Variants in CHST9 observed in about 807,000 individuals in gnomAD.
The protein encoded by CHST9 is GalNAc-4-sulfotransferase 2.
In CHST9, 41 loss-of-function variants were observed where a neutral mutation model predicts 44.4. That is an observed-to-expected ratio of 0.92 (90% confidence interval 0.72 to 1.20). The LOEUF is 1.20. Among genes scored for constraint, CHST9 ranks in the 50% most tolerant of loss-of-function variants. The pLI, the probability that CHST9 is intolerant of heterozygous loss-of-function variation, is 0.00. For missense variants in CHST9, 504 were observed against 516.5 expected (o/e 0.98, Z 0.23); for synonymous variants, 171 against 178.4 (o/e 0.96, Z 0.33).
At chr18:27,162,607 G>C (rs1332897406) in intron 1 of CHST9, among the ~76,000 whole-genome samples, 1 of 152,158 alleles carries the variant, frequency 6.6e-6, no homozygotes, top group East Asian at 1.9e-4. Context: ...TCTTCTCGAG[G>C]AGTATCTTTG....
At chr18:26,939,401 C>T (rs1410891483) in intron 5 of CHST9, among the ~76,000 whole-genome samples, 3 of 152,130 alleles carry the variant, frequency 2.0e-5, no homozygotes, top group Non-Finnish European at 2.9e-5. Flanking sequence ...GAATCCTCTC[C>T]AAAGGAGTAC....
At chr18:26,954,237 A>G (rs146238759) in intron 4 of CHST9, among the ~76,000 whole-genome samples, 2 of 152,328 alleles carry the variant, frequency 1.3e-5, no homozygotes, top group African/African-American at 4.8e-5. Flanking sequence ...GAAAAGGCAC[A>G]GGACGAGGAA....
At chr18:27,034,795 TC>T (rs1403776158) in intron 3 of CHST9, among the ~76,000 whole-genome samples, 2 of 152,208 alleles carry the variant, frequency 1.3e-5, no homozygotes, top group Non-Finnish European at 2.9e-5. Flanking sequence ...TGTCTACAAC[TC>T]CTCAGAATTT....
intron 4 of CHST9, among the ~76,000 whole-genome samples, chr18:26,950,506 TGTGGTATATATACACC>T (rs1164698732): frequency 6.6e-6 from 1 of 152,048 alleles, no homozygotes; most frequent in African/African-American, 2.4e-5. Context: ...ATAAAGAAAA[TGTGGTATATATACACC>T]GTGGAATACT....
chr18:27,068,727 T>C (rs998527451), intron 2 of CHST9, among the ~76,000 whole-genome samples: 11 of 152,336 alleles, frequency 7.2e-5, no homozygotes, highest in African/African-American at 2.6e-4. Flanking sequence ...CATTTTATTC[T>C]TGTGGCCTTT....
At chr18:27,028,262 A>T (rs2057303941) in intron 3 of CHST9, among the ~76,000 whole-genome samples, 1 of 152,156 alleles carries the variant, frequency 6.6e-6, no homozygotes, top group Non-Finnish European at 1.5e-5. Flanking sequence ...GTCTTTACAA[A>T]ACATTTTAAT....
At chr18:27,165,566 T>C (rs190470825) in intron 1 of CHST9, among the ~76,000 whole-genome samples, 2 of 152,218 alleles carry the variant, frequency 1.3e-5, no homozygotes, top group African/African-American at 2.4e-5. Context: ...GAGACAAAAG[T>C]AAGCACCAAA....
intron 2 of CHST9, among the ~76,000 whole-genome samples, chr18:27,081,032 G>A (rs2057955650): frequency 6.6e-6 from 1 of 152,136 alleles, no homozygotes; most frequent in Non-Finnish European, 1.5e-5. Context: ...AAAGGAAGAG[G>A]TAGACAAAAA....
At chr18:27,011,659 C>A (rs969530478) in intron 4 of CHST9, among the ~76,000 whole-genome samples, 9 of 152,198 alleles carry the variant, frequency 5.9e-5, no homozygotes, top group Admixed American at 5.9e-4. Context: ...TTCAGGGAGC[C>A]TTTGAACTTG....
intron 2 of CHST9, among the ~76,000 whole-genome samples, chr18:27,128,890 G>A (rs181309814): frequency 4.6e-5 from 7 of 152,260 alleles, no homozygotes; most frequent in East Asian, 1.9e-4. Context: ...TGGATAAACC[G>A]TTGGCTGCTC....
chr18:27,168,606 A>T (rs948478926), intron 1 of CHST9, among the ~76,000 whole-genome samples: 1 of 152,144 alleles, frequency 6.6e-6, no homozygotes, highest in African/African-American at 2.4e-5. Flanking sequence ...TTCAGTTTTG[A>T]TCTTGTTGAG....
chr18:26,972,357 CA>C (rs887066938), intron 4 of CHST9, among the ~76,000 whole-genome samples: 1,178 of 65,182 alleles, frequency 0.018, 5 homozygotes, highest in African/African-American at 0.052. Flanking sequence ...ACTCCAACTC[CA>C]AAAAAAAAAA....
At chr18:26,996,777 T>C (rs555486164) in intron 4 of CHST9, among the ~76,000 whole-genome samples, 15 of 152,234 alleles carry the variant, frequency 9.9e-5, no homozygotes, top group African/African-American at 3.4e-4. Context: ...TGTGTGCATG[T>C]ATGTGTGTAA....
chr18:26,949,648 G>T (rs1178364018), intron 4 of CHST9, among the ~76,000 whole-genome samples: 1 of 152,150 alleles, frequency 6.6e-6, no homozygotes, highest in East Asian at 1.9e-4. Flanking sequence ...TGACAATTAC[G>T]GCAGATTGAA....
chr18:27,105,846 A>G (rs1261162524), intron 2 of CHST9, among the ~76,000 whole-genome samples: 3 of 152,186 alleles, frequency 2.0e-5, no homozygotes, highest in Non-Finnish European at 4.4e-5. Context: ...GTGATAGTCT[A>G]AATGGACGAT....
At chr18:27,145,343 C>T (rs1448593481) in intron 1 of CHST9, among the ~76,000 whole-genome samples, 1 of 152,124 alleles carries the variant, frequency 6.6e-6, no homozygotes, top group African/African-American at 2.4e-5. Flanking sequence ...CTGAGCCACA[C>T]CCGACTAATT....
At chr18:27,007,517 G>A (rs1273469631) in intron 4 of CHST9, among the ~76,000 whole-genome samples, 3 of 152,138 alleles carry the variant, frequency 2.0e-5, no homozygotes, top group Non-Finnish European at 4.4e-5. Context: ...TGGCTTACAA[G>A]AGCAGATATA....
At chr18:26,942,329 T>C (rs1399253575) in intron 5 of CHST9, among the ~76,000 whole-genome samples, 2 of 152,182 alleles carry the variant, frequency 1.3e-5, no homozygotes, top group African/African-American at 4.8e-5. Flanking sequence ...GGATTAGAAA[T>C]ATAAGCAATG....
At chr18:27,101,627 A>T (rs939815733) in intron 2 of CHST9, among the ~76,000 whole-genome samples, 2 of 136,836 alleles carry the variant, frequency 1.5e-5, no homozygotes, top group Admixed American at 7.4e-5. Flanking sequence ...ATAAAAATAA[A>T]AATAAAAAAT....
Sources: gnomAD v4.1 joint callset for allele counts (sites outside exome capture counted in the v4.1 genomes callset) on GRCh38, gnomAD v4.1.1 for gene constraint, MANE v1.5 for transcripts, NCBI Gene and HGNC (gene_info 2026-07-23, HGNC 2026-07-21) for gene names.